Variants in SLC4A8 observed in about 807,000 individuals in gnomAD.
The protein encoded by SLC4A8 is electroneutral sodium bicarbonate exchanger 1.
Under a neutral mutation model 125.0 loss-of-function variants are expected in SLC4A8, and 40 were observed. The observed-to-expected ratio is 0.32, with a 90% CI of 0.25 to 0.42. The LOEUF (loss-of-function observed/expected upper bound fraction) is 0.42, where lower values mean the gene tolerates loss of function less well. Among genes scored for constraint, SLC4A8 ranks in the 10% least tolerant of loss-of-function variants. The probability of loss-of-function intolerance (pLI) is 1.00; values close to 1 mark genes in which losing one functional copy is unlikely to be tolerated. For synonymous variants in SLC4A8, 456 were observed against 476.0 expected, an observed-to-expected ratio of 0.96 and a Z score of 0.55; for missense variants, 863 against 1,355.1, an observed-to-expected ratio of 0.64 and a Z score of 5.70.
At chr12:51,454,339 CGA>C (rs1950065115) in intron 5 of SLC4A8, among the ~76,000 whole-genome samples, 2 of 151,032 alleles carry the variant, frequency 1.3e-5, no homozygotes, top group African/African-American at 4.9e-5. Context: ...TAAGGTGGGA[CGA>C]GAGATTTGGA....
chr12:51,505,321 T>C (rs1938119721), intron 23 of SLC4A8, among the ~76,000 whole-genome samples: 1 of 152,220 alleles, frequency 6.6e-6, no homozygotes, highest in African/African-American at 2.4e-5. Flanking sequence ...GGATAGTCAC[T>C]TAGCTCTGAG....
intron 1 of SLC4A8, chr12:51,391,698 C>T (rs1218405560): frequency 3.3e-5 from 5 of 152,192 alleles, no homozygotes; most frequent in Non-Finnish European, 7.3e-5. Context: ...GGACCTCCCC[C>T]AGCTGCACTA....
chr12:51,448,716 T>C (rs1949868434), intron 2 of SLC4A8, among the ~76,000 whole-genome samples: 1 of 152,144 alleles, frequency 6.6e-6, no homozygotes, highest in African/African-American at 2.4e-5. Context: ...GAAAGTCTTT[T>C]GAACTAAGCT....
chr12:51,452,963 G>T (rs1195394303), intron 4 of SLC4A8, among the ~76,000 whole-genome samples: 1 of 152,162 alleles, frequency 6.6e-6, no homozygotes, highest in Admixed American at 6.5e-5. Context: ...GCTCTTGCTG[G>T]GTGCCTGCTG....
intron 14 of SLC4A8, among the ~76,000 whole-genome samples, chr12:51,473,239 C>G (rs1950759397): frequency 6.6e-6 from 1 of 152,244 alleles, no homozygotes; most frequent in African/African-American, 2.4e-5. Flanking sequence ...CTAACAACTA[C>G]TGACCTTTTT....
At chr12:51,422,355 C>T (rs1357343454), upstream of SLC4A8, among the ~76,000 whole-genome samples, 2 of 152,048 alleles carry the variant, frequency 1.3e-5, no homozygotes, top group Non-Finnish European at 2.9e-5. Context: ...AATTTGATCA[C>T]AGCCTTTTAT....
chr12:51,482,789 G>T (rs567212847), intron 16 of SLC4A8, among the ~76,000 whole-genome samples: 1 of 152,304 alleles, frequency 6.6e-6, no homozygotes, highest in African/African-American at 2.4e-5. Flanking sequence ...CAAATAGACA[G>T]AAACAACACA....
At position 51,510,803 on chromosome 12, in the gene SLC4A8, TG is replaced by T. The variant is rs1004243553; in HGVS notation, c.*3368del. 2 of 151,896 alleles carry T rather than the reference TG, an allele frequency of 1.3e-5. No homozygotes were observed. The highest frequency in any genetic ancestry group is 2.9e-5 in the Non-Finnish European group (2 of 68,036). 9.4% of individuals were successfully genotyped at this position (151,896 alleles called of 1,614,324 possible). ...CTTAACGGCAAGTGCTCACGGGGCATGGGTGATTTTGTCTAGTCTGGTCCTT... is the reference window on the plus strand; with the variant it reads ...CTTAACGGCAAGTGCTCACGGGGCATGGTGATTTTGTCTAGTCTGGTCCTT... On this transcript the variant is annotated 3_prime_UTR_variant, in exon 25 of 25. Transcript: ENST00000453097.
intron 2 of SLC4A8, among the ~76,000 whole-genome samples, chr12:51,444,013 A>G (rs1440307901): frequency 6.6e-6 from 1 of 152,234 alleles, no homozygotes; most frequent in Non-Finnish European, 1.5e-5. Context: ...CATAATTTTT[A>G]CTAAATTAGA....
At chr12:51,480,349 G>A in intron 16 of SLC4A8, 1 of 1,173,594 alleles carries the variant, frequency 8.5e-7, no homozygotes, top group Non-Finnish European at 1.1e-6. Flanking sequence ...AGATTTCCCT[G>A]GAATAAAAGT....
At chr12:51,417,467 C>T (rs2137990836) in intron 1 of SLC4A8, among the ~76,000 whole-genome samples, 1 of 152,274 alleles carries the variant, frequency 6.6e-6, no homozygotes, top group East Asian at 1.9e-4. Flanking sequence ...CCACGTCAGC[C>T]TCCCGAGTAG....
chr12:51,395,546 T>C (rs1264911300), intron 1 of SLC4A8, among the ~76,000 whole-genome samples: 1 of 152,186 alleles, frequency 6.6e-6, no homozygotes, highest in African/African-American at 2.4e-5. Flanking sequence ...ATCTAGTCTC[T>C]TCCTTCCACA....
At chr12:51,400,739 T>C (rs1948359575) in intron 1 of SLC4A8, among the ~76,000 whole-genome samples, 1 of 480 alleles carries the variant, frequency 2.1e-3, no homozygotes, top group Admixed American at 0.022. Context: ...TATATATATA[T>C]ATATATATAT....
At chr12:51,410,034 G>A (rs1948565677) in intron 1 of SLC4A8, among the ~76,000 whole-genome samples, 2 of 152,182 alleles carry the variant, frequency 1.3e-5, no homozygotes, top group South Asian at 4.1e-4. Context: ...TGGCCTGATG[G>A]TGGTGGGCTA....
chr12:51,490,562 C>CA (rs767679317), intron 19 of SLC4A8, among the ~76,000 whole-genome samples: 879 of 36,762 alleles, frequency 0.024, 16 homozygotes, highest in African/African-American at 0.065. Flanking sequence ...GACTCCATCT[C>CA]AAAAAAAAAA....
chr12:51,395,886 G>A (rs1276096513), intron 1 of SLC4A8, among the ~76,000 whole-genome samples: 1 of 152,212 alleles, frequency 6.6e-6, no homozygotes, highest in African/African-American at 2.4e-5. Flanking sequence ...TGAGAGTTGG[G>A]TCTTCTAAAT....
chr12:51,401,108 A>G (rs1340191413), intron 1 of SLC4A8, among the ~76,000 whole-genome samples: 1 of 151,808 alleles, frequency 6.6e-6, no homozygotes, highest in Non-Finnish European at 1.5e-5. Context: ...CAGTGCCAAC[A>G]TGTTTTTCTT....
chr12:51,468,482 G>A (rs1245120644), intron 11 of SLC4A8, among the ~76,000 whole-genome samples: 3 of 152,178 alleles, frequency 2.0e-5, no homozygotes, highest in Admixed American at 1.3e-4. Context: ...ATTTCTGGCC[G>A]GGTGTGGTGG....
chr12:51,485,593 C>T (rs1951142383), intron 16 of SLC4A8, among the ~76,000 whole-genome samples, 194 bp from the exon 17 acceptor site: 1 of 152,210 alleles, frequency 6.6e-6, no homozygotes, highest in South Asian at 2.1e-4. Context: ...AGGGTTCATT[C>T]TCCCTCATCA....
Sources: allele counts gnomAD v4.1 joint callset (sites outside exome capture counted in the v4.1 genomes callset), GRCh38; gene constraint gnomAD v4.1.1; transcripts MANE v1.5; gene names NCBI Gene and HGNC (gene_info 2026-07-23, HGNC 2026-07-21).